Variants in PLB1 observed in about 807,000 individuals in gnomAD.
The protein encoded by PLB1 is phospholipase B1.
In PLB1, 242 loss-of-function variants were observed where a neutral mutation model predicts 227.4. That is an observed-to-expected ratio of 1.06 (90% CI 0.96 to 1.18). The LOEUF (loss-of-function observed/expected upper bound fraction) is 1.18. PLB1 is among the 50% of genes most tolerant of loss of function. PLB1 has a pLI of 0.00. For missense variants in PLB1, 1,858 were observed against 1,816.3 expected (o/e 1.02, Z -0.42); for synonymous variants, 757 against 682.2 (o/e 1.11, Z -1.71).
At chr2:28,555,592 A>G (rs913306056) in intron 17 of PLB1, among the ~76,000 whole-genome samples, 9 of 152,202 alleles carry the variant, frequency 5.9e-5, no homozygotes, top group Non-Finnish European at 1.2e-4. Context: ...TCATGTTTGC[A>G]ATTTCTAATC....
chr2:28,601,240 C>T lies in PLB1; in HGVS notation c.2527-12C>T. 2 of 1,605,672 alleles carry T rather than the reference C, an allele frequency of 1.2e-6. No individual in the cohort carries two copies. Among genetic ancestry groups the T allele is most frequent in the Non-Finnish European group, 1.7e-6 (2 of 1,172,496 alleles). On this transcript the variant is annotated splice_polypyrimidine_tract_variant and intron_variant, in intron 36 of 57. Transcript: ENST00000327757. ...GTTGGAAATTATCAAGCATTTTCCT[C>T]CCTCCATATAGAGAGTAAATTTCCA...
chr2:28,601,339 G>A lies in PLB1; in HGVS notation c.2607+7G>A. On this transcript the variant is annotated splice_region_variant and intron_variant, in intron 37 of 57. Transcript: ENST00000327757. The stretch of plus-strand genomic sequence containing the variant: ...TGACTACTGCACAGATTCGGTAATT[G>A]GGGCCAGGTCCAGGCCTACTTGTTG... 1 of 1,612,770 alleles carries A rather than the reference G, an allele frequency of 6.2e-7. No individual in the cohort carries two copies. Among genetic ancestry groups the A allele is most frequent in the Non-Finnish European group, 8.5e-7 (1 of 1,178,902 alleles).
At chr2:28,591,532 G>C (rs1223372718) in intron 30 of PLB1, among the ~76,000 whole-genome samples, 168 bp from the exon 31 acceptor site, 1 of 152,176 alleles carries the variant, frequency 6.6e-6, no homozygotes, top group African/African-American at 2.4e-5. Context: ...ATCTGTGGCC[G>C]CTACGCAAAA....
At chr2:28,548,162 A>G (rs992870591) in intron 14 of PLB1, among the ~76,000 whole-genome samples, 2 of 152,118 alleles carry the variant, frequency 1.3e-5, no homozygotes, top group Non-Finnish European at 2.9e-5. Flanking sequence ...CCCAGGCCCC[A>G]TAACTTGCTT....
intron 6 of PLB1, 112 bp downstream of exon 6, chr2:28,526,057 C>A: frequency 8.2e-7 from 1 of 1,225,064 alleles, no homozygotes; most frequent in Admixed American, 1.9e-5. Context: ...TCACTGGAGC[C>A]CAGGAGAAAG....
chr2:28,579,566 G>A (rs1679566164), intron 22 of PLB1, 61 bp from the exon 23 acceptor site: 6 of 1,349,172 alleles, frequency 4.4e-6, no homozygotes, highest in Non-Finnish European at 6.4e-6. Context: ...CAAGCATTTT[G>A]TGTTTTCCTT....
At chr2:28,588,589 G>C (rs963866622) in intron 26 of PLB1, among the ~76,000 whole-genome samples, 3 of 152,156 alleles carry the variant, frequency 2.0e-5, no homozygotes, top group African/African-American at 7.2e-5. Context: ...CAGAAACCCT[G>C]GTGAGCAGTG....
intron 52 of PLB1, among the ~76,000 whole-genome samples, chr2:28,628,862 C>T (rs553555202): frequency 1.6e-4 from 24 of 152,252 alleles, no homozygotes; most frequent in Non-Finnish European, 3.1e-4. Context: ...CCCAGGTTTG[C>T]GCCCAGCACT....
intron 56 of PLB1, among the ~76,000 whole-genome samples, chr2:28,637,684 A>G (rs1005889198): frequency 2.0e-5 from 3 of 152,078 alleles, no homozygotes; most frequent in African/African-American, 7.2e-5. Context: ...CAGTCTAGTG[A>G]CTCCAGCAGC....
chr2:28,563,348 G>A (rs1393199444), intron 18 of PLB1, among the ~76,000 whole-genome samples: 1 of 152,086 alleles, frequency 6.6e-6, no homozygotes, highest in Non-Finnish European at 1.5e-5. Context: ...GAGAGAGCAG[G>A]AAGTGGAGGG....
At chr2:28,540,335 T>G (rs369284045) in intron 11 of PLB1, 31 bp from the exon 12 acceptor site, 48 of 1,598,922 alleles carry the variant, frequency 3.0e-5, no homozygotes, top group Non-Finnish European at 3.7e-5. Flanking sequence ...CTGCCTCCCC[T>G]CTCTCATTCC....
chr2:28,591,651 T>C (rs768025983), intron 30 of PLB1, 49 bp from the exon 31 acceptor site: 41 of 1,587,516 alleles, frequency 2.6e-5, no homozygotes, highest in Non-Finnish European at 3.5e-5. Context: ...AGCCAGTTTT[T>C]CTGGTCCCTT....
At chr2:28,633,095 A>G in intron 56 of PLB1, 56 bp downstream of exon 56, 1 of 1,456,660 alleles carries the variant, frequency 6.9e-7, no homozygotes, top group Non-Finnish European at 9.6e-7. Flanking sequence ...GGATATTGAC[A>G]CTCTGTCTCA....
intron 56 of PLB1, among the ~76,000 whole-genome samples, chr2:28,635,537 T>C (rs1558973993): frequency 6.6e-6 from 1 of 152,228 alleles, no homozygotes; most frequent in Non-Finnish European, 1.5e-5. Context: ...AGCACATATA[T>C]ACCCGGTGAA....
In PLB1 at chr2:28,518,985, A is replaced by G. The variant is rs4665424; in HGVS notation, c.184+453A>G. Among the ~76,000 whole-genome samples the G allele has an allele frequency of 4.3e-3, 661 of 152,286 alleles. 12 individuals are homozygous for G. Among genetic ancestry groups the G allele is most frequent in the East Asian group, 0.036 (186 of 5,188 alleles). ...TATTTAATAGATTTATGTTTGTACTATTCTGCCTTGACTGGGGTTTCCAGT... is the reference window on the plus strand; with the variant it reads ...TATTTAATAGATTTATGTTTGTACTGTTCTGCCTTGACTGGGGTTTCCAGT... On this transcript the variant is annotated intron_variant, in intron 3 of 57. Transcript: ENST00000327757.
intron 17 of PLB1, among the ~76,000 whole-genome samples, chr2:28,560,507 C>T (rs1572975431): frequency 6.6e-6 from 1 of 152,182 alleles, no homozygotes; most frequent in Non-Finnish European, 1.5e-5. Context: ...AACTTGTTAG[C>T]CAGGCATAAA....
chr2:28,629,275 C>A, intron 53 of PLB1, 90 bp downstream of exon 53: 1 of 1,178,416 alleles, frequency 8.5e-7, no homozygotes, highest in Non-Finnish European at 1.2e-6. Context: ...TGAGGCAGAG[C>A]CAGGCAGGCC....
intron 1 of PLB1, among the ~76,000 whole-genome samples, chr2:28,514,582 ATGT>A (rs1406375675): frequency 3.9e-5 from 6 of 152,212 alleles, no homozygotes; most frequent in African/African-American, 1.4e-4. Context: ...ATTTGTTTAC[ATGT>A]TGTCCATGGC....
At chr2:28,579,550 A>G (rs1679562411) in intron 22 of PLB1, 77 bp from the exon 23 acceptor site, 1 of 1,166,106 alleles carries the variant, frequency 8.6e-7, no homozygotes, top group Non-Finnish European at 1.3e-6. Context: ...CATCTTTTCT[A>G]GTTTGCAAGC....
Sources: gnomAD v4.1 joint callset for allele counts (sites outside exome capture counted in the v4.1 genomes callset) on GRCh38, gnomAD v4.1.1 for gene constraint, MANE v1.5 for transcripts, NCBI Gene and HGNC (gene_info 2026-07-23, HGNC 2026-07-21) for gene names.